The following CACNA2D3 variants were observed in gnomAD, a reference collection of about 807,000 sequenced individuals.
The protein encoded by CACNA2D3 is calcium voltage-gated channel auxiliary subunit alpha2delta 3.
A neutral mutation model predicts 160.6 loss-of-function variants in CACNA2D3; 60 were observed. That is an observed-to-expected ratio of 0.37 (90% CI 0.30 to 0.46). CACNA2D3 has a LOEUF of 0.46. Ranked by LOEUF, CACNA2D3 falls within the 20% of genes least tolerant of loss-of-function variation. The pLI, the probability that CACNA2D3 is intolerant of heterozygous loss-of-function variation, is 1.00. For missense variants in CACNA2D3, 1,205 were observed against 1,365.0 expected (o/e 0.88, Z 1.85); for synonymous variants, 558 against 492.9 (o/e 1.13, Z -1.75).
chr3:54,416,461 C>CT (rs1699755990), intron 4 of CACNA2D3, among the ~76,000 whole-genome samples: 1 of 152,118 alleles, frequency 6.6e-6, no homozygotes, highest in Admixed American at 6.5e-5. Flanking sequence ...TTGTTAGAAT[C>CT]TGTTACATCC....
chr3:55,002,128 C>T (rs2107134108), intron 31 of CACNA2D3, among the ~76,000 whole-genome samples: 1 of 148,800 alleles, frequency 6.7e-6, no homozygotes, highest in East Asian at 2.0e-4. Context: ...TGCACTCCAG[C>T]TTGGGTGACA....
chr3:54,907,477 T>C (rs1423267070), intron 27 of CACNA2D3, among the ~76,000 whole-genome samples: 1 of 152,180 alleles, frequency 6.6e-6, no homozygotes, highest in Non-Finnish European at 1.5e-5. Flanking sequence ...TAAGTTTTTA[T>C]GTATATAAAG....
intron 2 of CACNA2D3, among the ~76,000 whole-genome samples, chr3:54,279,134 G>A (rs1203433590): frequency 6.6e-6 from 1 of 152,170 alleles, no homozygotes; most frequent in East Asian, 1.9e-4. Flanking sequence ...GTGCCTTTGT[G>A]AGGCTCCAAC....
chr3:54,859,228 T>C (rs1173419074), intron 17 of CACNA2D3, among the ~76,000 whole-genome samples: 1 of 152,184 alleles, frequency 6.6e-6, no homozygotes, highest in Non-Finnish European at 1.5e-5. Flanking sequence ...ACCCAAAGAA[T>C]GCAAATAAAA....
intron 9 of CACNA2D3, among the ~76,000 whole-genome samples, chr3:54,597,448 TG>T (rs1702975990): frequency 6.6e-6 from 1 of 152,184 alleles, no homozygotes; most frequent in African/African-American, 2.4e-5. Context: ...AAAGTCTCAG[TG>T]GGCACTTGTA....
intron 13 of CACNA2D3, among the ~76,000 whole-genome samples, chr3:54,783,104 G>A (rs139888232): frequency 1.3e-5 from 2 of 152,150 alleles, no homozygotes; most frequent in Admixed American, 1.3e-4. Flanking sequence ...TTCTGCCCAG[G>A]TGTGAGACTG....
Position 54,347,679 on chromosome 3 carries a change from A to G in CACNA2D3, c.321+27121A>G, listed in dbSNP as rs60022864. 4.6e-3 allele frequency among the ~76,000 whole-genome samples: 696 copies of G among 151,978 alleles called. 28 individuals carry two copies. In the East Asian group the frequency reaches 0.086, roughly 19 times the overall value. ...TTAAAAAAAAAAAACAAAAAACACCATGGGCTCCTTCTTCATAGAAGGCTC... is the reference window on the plus strand; with the variant it reads ...TTAAAAAAAAAAAACAAAAAACACCGTGGGCTCCTTCTTCATAGAAGGCTC... On this transcript the variant is annotated intron_variant, in intron 3 of 37. Coordinates refer to ENST00000474759, the MANE Select transcript of CACNA2D3 (RefSeq NM_018398.3).
intron 4 of CACNA2D3, among the ~76,000 whole-genome samples, chr3:54,463,575 A>C (rs528855823): frequency 9.3e-4 from 141 of 151,238 alleles, no homozygotes; most frequent in African/African-American, 3.3e-3. Flanking sequence ...TCGGCTCCTG[A>C]GGCTTCTGCA....
intron 2 of CACNA2D3, among the ~76,000 whole-genome samples, chr3:54,303,822 T>A (rs1023996501): frequency 9.5e-6 from 1 of 105,436 alleles, no homozygotes; most frequent in Admixed American, 8.2e-5. Context: ...TTTTCTGTTT[T>A]TTTTTTTTTT....
chr3:54,466,852 G>C (rs1431808717), intron 4 of CACNA2D3, among the ~76,000 whole-genome samples: 2 of 152,200 alleles, frequency 1.3e-5, no homozygotes, highest in Non-Finnish European at 2.9e-5. Flanking sequence ...GCAATCCAGT[G>C]TTGAAAGGTT....
At chr3:54,672,363 T>C (rs1700176710) in intron 11 of CACNA2D3, among the ~76,000 whole-genome samples, 1 of 152,216 alleles carries the variant, frequency 6.6e-6, no homozygotes, top group Non-Finnish European at 1.5e-5. Flanking sequence ...CCAGAGGGTC[T>C]GAGTTCAGTG....
intron 2 of CACNA2D3, among the ~76,000 whole-genome samples, chr3:54,154,969 A>G (rs1003096186): frequency 3.3e-5 from 5 of 152,232 alleles, no homozygotes; most frequent in African/African-American, 1.2e-4. Flanking sequence ...AATTATTTAA[A>G]TGAAAACCTT....
intron 14 of CACNA2D3, among the ~76,000 whole-genome samples, chr3:54,828,503 A>C (rs1289376554): frequency 6.6e-6 from 1 of 152,250 alleles, no homozygotes; most frequent in East Asian, 1.9e-4. Context: ...CTCATAAAAC[A>C]TATTCCTTTC....
At chr3:54,874,360 T>C (rs932229981) in intron 18 of CACNA2D3, among the ~76,000 whole-genome samples, 4 of 152,108 alleles carry the variant, frequency 2.6e-5, no homozygotes, top group Non-Finnish European at 5.9e-5. Context: ...CATAGCCCAG[T>C]CTGAATTGCC....
chr3:54,525,091 CATATA>C (rs1701704960), intron 5 of CACNA2D3, among the ~76,000 whole-genome samples: 1 of 152,006 alleles, frequency 6.6e-6, no homozygotes, highest in East Asian at 1.9e-4. Flanking sequence ...TATGTATATA[CATATA>C]ATGGCATATA....
intron 3 of CACNA2D3, among the ~76,000 whole-genome samples, chr3:54,369,417 G>A (rs1046129299): frequency 2.0e-5 from 3 of 152,142 alleles, no homozygotes; most frequent in Non-Finnish European, 2.9e-5. Context: ...AGTGACTGCC[G>A]GCGGGCCTGA....
At chr3:54,560,568 TC>T in intron 5 of CACNA2D3, among the ~76,000 whole-genome samples, 1 of 152,350 alleles carries the variant, frequency 6.6e-6, no homozygotes, top group Admixed American at 6.5e-5. Flanking sequence ...TTGCAGAAGC[TC>T]TCTGGTTTAA....
intron 13 of CACNA2D3, among the ~76,000 whole-genome samples, chr3:54,784,471 G>C (rs1702596345): frequency 6.6e-6 from 1 of 151,742 alleles, no homozygotes; most frequent in Non-Finnish European, 1.5e-5. Flanking sequence ...ACTCTGTTTT[G>C]CTCCCCCCAA....
At chr3:54,804,134 GA>G (rs1161768324) in intron 13 of CACNA2D3, among the ~76,000 whole-genome samples, 2 of 151,934 alleles carry the variant, frequency 1.3e-5, no homozygotes, top group African/African-American at 2.4e-5. Flanking sequence ...AGACTAGGAA[GA>G]AACTGCATCA....
Sources: allele counts gnomAD v4.1 joint callset (sites outside exome capture counted in the v4.1 genomes callset), GRCh38; gene constraint gnomAD v4.1.1; transcripts MANE v1.5; gene names NCBI Gene and HGNC (gene_info 2026-07-23, HGNC 2026-07-21).